Variants in CARD10 observed in about 807,000 individuals in gnomAD.
CARD10 encodes the protein caspase recruitment domain family member 10.
CARD10 carries 49 observed loss-of-function variants against 114.6 expected under a neutral mutation model. That is an observed-to-expected ratio of 0.43 (90% confidence interval 0.34 to 0.54). CARD10 has a LOEUF of 0.54. CARD10 is among the 20% of genes least tolerant of loss of function. CARD10 has a pLI of 0.03. For synonymous variants in CARD10, 602 were observed against 593.2 expected, an observed-to-expected ratio of 1.01 and a Z score of -0.21; for missense variants, 1,206 against 1,397.2, an observed-to-expected ratio of 0.86 and a Z score of 2.18.
In CARD10 at chr22:37,492,227, G is replaced by A. The variant is rs1162224520; in HGVS notation, c.2751+208C>T. ...CTGTGTCAGCCAAACACCTCAAGGGGGGCCCACATGCAGTCAACTGCCCCC... is the reference window on the plus strand; with the variant it reads ...CTGTGTCAGCCAAACACCTCAAGGGAGGCCCACATGCAGTCAACTGCCCCC... On this transcript the variant is annotated intron_variant, in intron 18 of 19. Transcript: ENST00000251973. This position sits in a 1 kb window ranked among gnomAD's most constrained non-coding sequence, Gnocchi z 5.7. Among the ~76,000 whole-genome samples, 10 of 152,190 alleles carry A rather than the reference G, an allele frequency of 6.6e-5. No homozygotes were observed. The highest frequency in any genetic ancestry group is 6.5e-4 in the Admixed American group (10 of 15,288).
intron 3 of CARD10, among the ~76,000 whole-genome samples, chr22:37,513,238 G>C (rs1331116609): frequency 1.3e-5 from 2 of 151,958 alleles, no homozygotes; most frequent in East Asian, 3.9e-4. Context: ...AGCCTCCCGA[G>C]TCCCTGAGAC....
chr22:37,494,827 G>C (rs1018314789), intron 15 of CARD10, among the ~76,000 whole-genome samples: 1 of 152,236 alleles, frequency 6.6e-6, no homozygotes, highest in East Asian at 1.9e-4. Flanking sequence ...TCGAATGCAG[G>C]CTGCCTGGCT....
At chr22:37,493,478 C>T (rs1454720370) in intron 16 of CARD10, among the ~76,000 whole-genome samples, 1 of 152,182 alleles carries the variant, frequency 6.6e-6, no homozygotes, top group African/African-American at 2.4e-5. Flanking sequence ...GGGACAGTCA[C>T]GTCCCCAATG....
At position 37,492,519 on chromosome 22, in the gene CARD10, G is replaced by A; in HGVS notation, c.2667C>T (p.Ser889=). The A allele has an allele frequency of 1.2e-6, 2 of 1,604,628 alleles. No individual in the cohort carries two copies. The highest frequency in any genetic ancestry group is 1.7e-5 in the Admixed American group (1 of 59,396). The change falls in exon 18 of 20, where the codon TCC becomes TCT. Residue 889 remains serine, a synonymous_variant. Transcript: ENST00000251973. This position sits in a 1 kb window ranked among gnomAD's most constrained non-coding sequence, Gnocchi z 5.7. ...GAGCCTTGGGGGCTCCAGGCGCTGA[G>A]GATGGGCACAGTTCCTCCCCAGAGA... ...ESLSGEELCP[S]SAPGAPKAQP... is the part of the protein sequence containing the mutation.
At chr22:37,498,268 G>T (rs1467645788) in intron 11 of CARD10, among the ~76,000 whole-genome samples, 1 of 152,142 alleles carries the variant, frequency 6.6e-6, no homozygotes, top group Non-Finnish European at 1.5e-5. Context: ...GAGGCGTCTG[G>T]TTTTCCTCCC....
Position 37,519,170 on chromosome 22 carries a change from C to T in CARD10, c.31G>A (p.Glu11Lys). MPGRAEAGEA[E>K]EEAGAGSGSE... ...CCCGAGCCGGCCCCGGCCTCCTCCT[C>T]GGCCTCCCCCGCCTCCGCCCGGCCC... The change falls in exon 1 of 20, where the codon GAG (glutamate) becomes AAG (lysine). Residue 11 changes from glutamate to lysine, a missense_variant. Transcript: ENST00000251973. This position sits in a 1 kb window ranked among gnomAD's most constrained non-coding sequence, Gnocchi z 4.1. The T allele has an allele frequency of 6.5e-7, 1 of 1,536,228 alleles. No individual in the cohort carries two copies. Among genetic ancestry groups the T allele is most frequent in the East Asian group, 2.4e-5 (1 of 40,990 alleles).
chr22:37,504,801 G>T, intron 7 of CARD10, 32 bp from the exon 8 acceptor site: 1 of 1,392,530 alleles, frequency 7.2e-7, no homozygotes, highest in Non-Finnish European at 9.6e-7. Context: ...AAGGAGGTGA[G>T]CAGTGCTAGG....
chr22:37,499,440 C>G (rs1370476942), intron 11 of CARD10, among the ~76,000 whole-genome samples: 1 of 152,188 alleles, frequency 6.6e-6, no homozygotes, highest in East Asian at 1.9e-4. Context: ...AACTGACCAT[C>G]ATGGCCTCTC....
At position 37,519,053 on chromosome 22, in the gene CARD10, A is replaced by G; in HGVS notation, c.148T>C (p.Tyr50His). ...RALNPAKLTP[Y>H]LRQCRVIDEQ... ...TCGATGACCCGGCACTGGCGCAGAT[A>G]CGGCGTGAGCTTGGCCGGGTTCAGG... Residue 50 changes from tyrosine (Y) to histidine (H), a missense_variant, in exon 1 of 20, where the codon TAT becomes CAT. By Grantham distance (83) the Tyr-to-His change is moderately conservative. This residue lies in a region of CARD10 where 138 missense variants were observed against 218.0 expected (regional missense o/e 0.63). Coordinates refer to ENST00000251973, the MANE Select transcript of CARD10 (RefSeq NM_014550.4). This position sits in a 1 kb window ranked among gnomAD's most constrained non-coding sequence, Gnocchi z 4.1. 2 of 1,595,280 alleles carry G rather than the reference A, an allele frequency of 1.3e-6. No homozygotes were observed. Among genetic ancestry groups the G allele is most frequent in the Non-Finnish European group, 1.7e-6 (2 of 1,177,486 alleles).
chr22:37,505,068 T>C (rs1359751414), intron 7 of CARD10, among the ~76,000 whole-genome samples: 2 of 152,104 alleles, frequency 1.3e-5, no homozygotes, highest in Non-Finnish European at 2.9e-5. Flanking sequence ...CTCAAGGGTA[T>C]AGAGGCGCTA....
intron 18 of CARD10, 95 bp from the exon 19 acceptor site, chr22:37,491,962 C>A: frequency 2.5e-6 from 2 of 802,752 alleles, no homozygotes; most frequent in South Asian, 1.5e-5. Context: ...ACCGCCTTCC[C>A]AGATGCAAGT....
At position 37,519,172 on chromosome 22, in the gene CARD10, G is replaced by T; in HGVS notation, c.29C>A (p.Ala10Asp). The T allele has an allele frequency of 6.5e-7, 1 of 1,534,086 alleles. No homozygotes were observed. Among genetic ancestry groups the T allele is most frequent in the Admixed American group, 2.0e-5 (1 of 51,248 alleles). Residue 10 changes from alanine to aspartate, a missense_variant, in exon 1 of 20, where the codon GCC (alanine) becomes GAC (aspartate). Around this residue, in one of 2 missense-constraint regions of CARD10, gnomAD observed 138 missense variants for 218.0 expected, o/e 0.63. Coordinates refer to ENST00000251973, the MANE Select transcript of CARD10 (RefSeq NM_014550.4). This position sits in a 1 kb window ranked among gnomAD's most constrained non-coding sequence, Gnocchi z 4.1. ...CGAGCCGGCCCCGGCCTCCTCCTCG[G>T]CCTCCCCCGCCTCCGCCCGGCCCGG... MPGRAEAGE[A>D]EEEAGAGSGS... is the part of the protein sequence containing the mutation.
Position 37,497,152 on chromosome 22 carries a change from C to A in CARD10, c.1814G>T (p.Arg605Leu). Residue 605 changes from arginine to leucine, a missense_variant, in exon 12 of 20, where the codon CGG becomes CTG. By Grantham distance (102) the Arg-to-Leu change is moderately radical. This residue lies in a region of CARD10 where 1,068 missense variants were observed against 1,179.1 expected (regional missense o/e 0.91). Coordinates refer to ENST00000251973, the MANE Select transcript of CARD10 (RefSeq NM_014550.4). ...CGGCTCTGGGCCCCCTGGGGGGCTCCGGCCAGACACCCGAATAGCCAGAGA... is the reference window on the plus strand; with the variant it reads ...CGGCTCTGGGCCCCCTGGGGGGCTCAGGCCAGACACCCGAATAGCCAGAGA... ...NRSLAIRVSGRSPPGGPEPQD... is the reference protein window; with the variant it reads ...NRSLAIRVSGLSPPGGPEPQD... 6.2e-7 allele frequency: 1 copy of A among 1,613,734 alleles called. No homozygotes were observed.
rs146123940 is a variant in CARD10, at chr22:37,503,165, C to T, written c.1663+20G>A. 131 of 1,609,748 alleles carry T rather than the reference C, an allele frequency of 8.1e-5. 1 individual carries two copies. In the African/African-American group the frequency reaches 1.4e-3, roughly 17 times the overall value. On this transcript the variant is annotated intron_variant, in intron 10 of 19. Transcript: ENST00000251973. ...CCCCCGACCAGAGGAGCCCTCCCCA[C>T]GGAACTCAAGGGCTGTTACCTGTGA...
At position 37,501,909 on chromosome 22, in the gene CARD10, C is replaced by T. The variant is rs2145760892; in HGVS notation, c.1787+693G>A. On this transcript the variant is annotated intron_variant, in intron 11 of 19. Coordinates refer to ENST00000251973, the MANE Select transcript of CARD10 (RefSeq NM_014550.4). The surrounding 1 kb of genome is among the most constrained non-coding windows in gnomAD (Gnocchi z 5.4). ...GGAAGCCTTGACTTTCGCCCTTCCC[C>T]CTCGCTCCTCCTCCACAGTCACCGG... Among the ~76,000 whole-genome samples the T allele has an allele frequency of 6.6e-6, 1 of 152,344 alleles. No homozygotes were observed. Among genetic ancestry groups the T allele is most frequent in the East Asian group, 1.9e-4 (1 of 5,190 alleles).
At chr22:37,505,640 A>C (rs1923379052) in intron 7 of CARD10, among the ~76,000 whole-genome samples, 4 of 150,400 alleles carry the variant, frequency 2.7e-5, no homozygotes, top group African/African-American at 9.7e-5. Context: ...TCTGTCTCAA[A>C]AAAAAAAAAA....
Position 37,510,351 on chromosome 22 carries a change from G to C in CARD10, c.770C>G (p.Pro257Arg). 2 of 1,612,688 alleles carry C rather than the reference G, an allele frequency of 1.2e-6. No individual in the cohort carries two copies. Among genetic ancestry groups the C allele is most frequent in the Non-Finnish European group, 1.7e-6 (2 of 1,179,720 alleles). The change falls in exon 4 of 20, where the codon CCG becomes CGG. Residue 257 changes from proline to arginine, a missense_variant. Pro to Arg is a moderately radical substitution (Grantham distance 103, BLOSUM62 -2). Coordinates refer to ENST00000251973, the MANE Select transcript of CARD10 (RefSeq NM_014550.4). ...CTCCTTCTCCTCTGCCCCAGGGGGCGGGCCCCTGGCCCTTCGAAGCAGTGC... is the reference window on the plus strand; with the variant it reads ...CTCCTTCTCCTCTGCCCCAGGGGGCCGGCCCCTGGCCCTTCGAAGCAGTGC... ...ECALLRRARG[P>R]PPGAEEKEKE...
chr22:37,509,192 G>A, intron 4 of CARD10: 1 of 1,416,962 alleles, frequency 7.1e-7, no homozygotes, highest in South Asian at 1.6e-5. Flanking sequence ...CCCACTTCCT[G>A]TGTGGAACAA....
At chr22:37,518,389 A>G (rs1420626501) in intron 1 of CARD10, among the ~76,000 whole-genome samples, 5 of 152,184 alleles carry the variant, frequency 3.3e-5, no homozygotes, top group African/African-American at 1.2e-4. Flanking sequence ...TCAATGGCAC[A>G]GAGAAGCCCC....
Sources: gnomAD v4.1 joint callset for allele counts (sites outside exome capture counted in the v4.1 genomes callset) on GRCh38, gnomAD v4.1.1 for gene constraint, gnomAD v4.1.1 regional missense constraint, Gnocchi (gnomAD v3.1) non-coding constraint, MANE v1.5 for transcripts, NCBI Gene and HGNC (gene_info 2026-07-23, HGNC 2026-07-21) for gene names.